The following MXI1 variants were observed in gnomAD, a reference collection of about 807,000 sequenced individuals.
The protein encoded by MXI1 is max-interacting protein 1.
MXI1 carries 18 observed loss-of-function variants against 36.9 expected under a neutral mutation model. The observed-to-expected ratio is 0.49, with a 90% CI of 0.34 to 0.72. The LOEUF (loss-of-function observed/expected upper bound fraction) is 0.72. Ranked by LOEUF, MXI1 falls within the 30% of genes least tolerant of loss-of-function variation. The pLI is 0.01. For synonymous variants in MXI1, 160 were observed against 146.7 expected (o/e 1.09, Z -0.65); for missense variants, 304 against 379.1 (o/e 0.80, Z 1.64).
At chr10:110,271,091 CA>C (rs10683812) in intron 3 of MXI1, among the ~76,000 whole-genome samples, 154 of 130,252 alleles carry the variant, frequency 1.2e-3, no homozygotes, top group East Asian at 4.1e-3. Flanking sequence ...AACTACGTCT[CA>C]AAAAAAAAAA....
In MXI1 at chr10:110,285,956, T is replaced by C. The variant is rs897338214; in HGVS notation, c.*969T>C. 1 of 152,508 alleles carries C rather than the reference T, an allele frequency of 6.6e-6. No individual in the cohort carries two copies. The highest frequency in any genetic ancestry group is 1.5e-5 in the Non-Finnish European group (1 of 67,988). The allele number at this position is 152,508 out of a possible 1,614,324, so 9.4% of individuals were successfully genotyped here. A position where few individuals can be genotyped will look rare whatever the true frequency, so the allele number is the denominator to read the frequency against. Reference sequence around the variant, plus strand: ...TTTAAAGCTTATCCATAAAAAAAAATAGATGTCTTTTATAGTGGAAAAACA... The same window carrying C: ...TTTAAAGCTTATCCATAAAAAAAAACAGATGTCTTTTATAGTGGAAAAACA... On this transcript the variant is annotated 3_prime_UTR_variant, in exon 6 of 6. Transcript: ENST00000332674.
chr10:110,271,773 T>G (rs999103236), intron 3 of MXI1, among the ~76,000 whole-genome samples: 1 of 152,226 alleles, frequency 6.6e-6, no homozygotes, highest in African/African-American at 2.4e-5. Flanking sequence ...AGCTCAGTGG[T>G]ATAATAAGGC....
chr10:110,286,610 T>G lies in MXI1; in HGVS notation c.*1623T>G, dbSNP rs1187427851. On this transcript the variant is annotated 3_prime_UTR_variant, in exon 6 of 6. Coordinates refer to ENST00000332674, the MANE Select transcript of MXI1 (RefSeq NM_130439.3). ...TAGGGCTGGGCAAGGAAAAAGAAAATAAAGACAACCATATTTAGCAGTGCA... is the reference window on the plus strand; with the variant it reads ...TAGGGCTGGGCAAGGAAAAAGAAAAGAAAGACAACCATATTTAGCAGTGCA... 6.6e-6 allele frequency: 1 copy of G among 152,348 alleles called. No individual in the cohort carries two copies. Among genetic ancestry groups the G allele is most frequent in the Non-Finnish European group, 1.5e-5 (1 of 67,978 alleles). 9.4% of individuals were successfully genotyped at this position (152,348 alleles called of 1,614,324 possible). A position where few individuals can be genotyped will look rare whatever the true frequency, so the allele number is the denominator to read the frequency against.
intron 3 of MXI1, among the ~76,000 whole-genome samples, chr10:110,261,693 G>A (rs1856518244): frequency 6.6e-6 from 1 of 151,956 alleles, no homozygotes; most frequent in Non-Finnish European, 1.5e-5. Flanking sequence ...GATATTTCCA[G>A]TATACCATTG....
chr10:110,268,277 T>G (rs1017417610), intron 3 of MXI1, among the ~76,000 whole-genome samples: 18 of 152,332 alleles, frequency 1.2e-4, no homozygotes, highest in African/African-American at 3.8e-4. Flanking sequence ...AGCACTTGTG[T>G]AGCAGTCCTT....
At chr10:110,232,193 C>T (rs1855294785) in intron 2 of MXI1, among the ~76,000 whole-genome samples, 2 of 152,128 alleles carry the variant, frequency 1.3e-5, no homozygotes, top group Admixed American at 1.3e-4. Context: ...ATCTCCTGAC[C>T]TCATGAACCG....
rs1854401047 is a variant in MXI1 at position 110,207,869 on chromosome 10, G to A, written c.61G>A (p.Ala21Thr). 5.8e-6 allele frequency: 7 copies of A among 1,206,026 alleles called. No homozygotes were observed. Among genetic ancestry groups the A allele is most frequent in the Non-Finnish European group, 7.2e-6 (7 of 969,668 alleles). The allele number at this position is 1,206,026 out of a possible 1,614,324, so 74.7% of individuals were successfully genotyped here. A position where few individuals can be genotyped will look rare whatever the true frequency, so the allele number is the denominator to read the frequency against. ...CTGCGAGGGCGCGGGGCTGGCCCCC[G>A]CCGCGCCCCCGGCTGTGCCCCCCGC... ...ARCEGAGLAP[A>T]APPAVPPAVA... The change falls in exon 1 of 6, where the codon GCC becomes ACC. Residue 21 changes from alanine to threonine, a missense_variant. By Grantham distance (58) the Ala-to-Thr change is moderately conservative. Transcript: ENST00000332674.
At position 110,216,675 on chromosome 10, in the gene MXI1, T is replaced by TG. The variant is rs1470618100; in HGVS notation, c.274+8593_274+8594insG. Among the ~76,000 whole-genome samples the TG allele has an allele frequency of 3.3e-3, 309 of 93,650 alleles. 12 individuals carry two copies. The highest frequency in any genetic ancestry group is 3.4e-3 in the Non-Finnish European group (189 of 55,528). 61.4% of individuals were successfully genotyped at this position (93,650 alleles called of 152,430 possible). On this transcript the variant is annotated intron_variant, in intron 1 of 5. Transcript: ENST00000332674. ...CTATCTGTGTTTAATGTTTTTTTTT[T>TG]TTTTTTTTTTGGAGACAGGGTCTTG...
At chr10:110,210,444 C>T (rs2134320649) in intron 1 of MXI1, 1 of 299,290 alleles carries the variant, frequency 3.3e-6, no homozygotes, top group Admixed American at 6.5e-5. Flanking sequence ...CAACGGCCCC[C>T]AGATTTCCCC....
At chr10:110,214,843 GTT>G (rs5787838) in intron 1 of MXI1, among the ~76,000 whole-genome samples, 1,883 of 135,180 alleles carry the variant, frequency 0.014, 38 homozygotes, top group African/African-American at 0.047. Context: ...TGGCTTTTGA[GTT>G]TTTTTTTTTT....
intron 1 of MXI1, 95 bp downstream of exon 1, chr10:110,208,177 C>G (rs537645821): frequency 3.8e-5 from 50 of 1,319,938 alleles, no homozygotes; most frequent in South Asian, 2.6e-4. Flanking sequence ...CGTCCCCCCC[C>G]CGCCCAACAT....
chr10:110,275,301 C>G (rs929497814), intron 3 of MXI1, among the ~76,000 whole-genome samples: 11 of 152,100 alleles, frequency 7.2e-5, no homozygotes, highest in Non-Finnish European at 1.6e-4. Flanking sequence ...AGCTACCAGT[C>G]ACATGAGAAT....
At chr10:110,251,883 T>C (rs1856104220) in intron 3 of MXI1, among the ~76,000 whole-genome samples, 1 of 152,132 alleles carries the variant, frequency 6.6e-6, no homozygotes, top group Non-Finnish European at 1.5e-5. Flanking sequence ...AGATTAGTAG[T>C]GGAAGATGAG....
rs547777994 is a variant in MXI1, at chr10:110,219,121, G to GA, written c.275-9065dup. On this transcript the variant is annotated intron_variant, in intron 1 of 5. Transcript: ENST00000332674. The stretch of plus-strand genomic sequence containing the variant: ...TCGAGACCAGCCTGGCCAATATGGT[G>GA]AAACCCTGTCTCTACTAAAAGTACA... 1.4e-3 allele frequency among the ~76,000 whole-genome samples: 206 copies of GA among 152,320 alleles called. 1 individual carries two copies. The highest frequency in any genetic ancestry group is 4.7e-3 in the African/African-American group (196 of 41,572).
chr10:110,218,741 T>C (rs1025922575), intron 1 of MXI1, among the ~76,000 whole-genome samples: 1 of 152,088 alleles, frequency 6.6e-6, no homozygotes, highest in Non-Finnish European at 1.5e-5. Flanking sequence ...TACTAGGGTG[T>C]CAGGGTGTGA....
intron 2 of MXI1, among the ~76,000 whole-genome samples, chr10:110,234,667 CT>C (rs1486769176): frequency 6.6e-6 from 1 of 152,020 alleles, no homozygotes; most frequent in Non-Finnish European, 1.5e-5. Flanking sequence ...TAGGAAATTG[CT>C]GATATTTTCT....
chr10:110,227,383 G>A, intron 1 of MXI1: 1 of 987,158 alleles, frequency 1.0e-6, no homozygotes, highest in Non-Finnish European at 1.2e-6. Context: ...GAGAGGTCGC[G>A]CAGGTGCTGG....
intron 3 of MXI1, among the ~76,000 whole-genome samples, chr10:110,255,789 C>T (rs1461249269): frequency 6.6e-6 from 1 of 152,012 alleles, no homozygotes; most frequent in African/African-American, 2.4e-5. Context: ...AAAGTTCCAG[C>T]TTCCTTTTTT....
At chr10:110,238,816 C>G (rs899052097) in intron 2 of MXI1, among the ~76,000 whole-genome samples, 1 of 152,036 alleles carries the variant, frequency 6.6e-6, no homozygotes, top group Non-Finnish European at 1.5e-5. Flanking sequence ...GAAATTTGTT[C>G]ATATCATCTA....
Sources: allele counts gnomAD v4.1 joint callset (sites outside exome capture counted in the v4.1 genomes callset), GRCh38; gene constraint gnomAD v4.1.1; transcripts MANE v1.5; gene names NCBI Gene and HGNC (gene_info 2026-07-23, HGNC 2026-07-21).